RFX3: variants seen among roughly 807,000 people sequenced by gnomAD.
RFX3 encodes the protein transcription factor RFX3.
RFX3 carries 14 observed loss-of-function variants against 98.6 expected under a neutral mutation model. The ratio of observed to expected loss-of-function variants is 0.14; its 90% CI spans 0.09 to 0.22. The LOEUF is 0.22. Among genes scored for constraint, RFX3 ranks in the 10% least tolerant of loss-of-function variants. RFX3 has a pLI of 1.00. For missense variants in RFX3, 639 were observed against 926.9 expected (o/e 0.69, Z 4.03); for synonymous variants, 383 against 328.4 (o/e 1.17, Z -1.80).
At chr9:3,331,242 C>A (rs1426626658) in intron 3 of RFX3, among the ~76,000 whole-genome samples, 1 of 152,184 alleles carries the variant, frequency 6.6e-6, no homozygotes, top group Admixed American at 6.5e-5. Flanking sequence ...CTAAAAGACT[C>A]CTGTCAGTCC....
At chr9:3,366,319 GT>G (rs542893320) in intron 2 of RFX3, among the ~76,000 whole-genome samples, 76 of 152,126 alleles carry the variant, frequency 5.0e-4, no homozygotes, top group African/African-American at 1.7e-3. Flanking sequence ...CTTCTTGTTT[GT>G]TTTTTTGCAC....
chr9:3,249,858 T>A (rs1821153071), intron 14 of RFX3, among the ~76,000 whole-genome samples: 1 of 152,062 alleles, frequency 6.6e-6, no homozygotes, highest in South Asian at 2.1e-4. Context: ...GTTAATAATA[T>A]ATTCATTATC....
chr9:3,349,466 G>C (rs1416071806), intron 2 of RFX3, among the ~76,000 whole-genome samples: 3 of 151,590 alleles, frequency 2.0e-5, no homozygotes, highest in Non-Finnish European at 4.4e-5. Flanking sequence ...ATTTAATTTT[G>C]TTTTATGATT....
chr9:3,355,834 T>C lies in RFX3; in HGVS notation c.118-9070A>G, dbSNP rs549049056. On this transcript the variant is annotated intron_variant, in intron 2 of 16. Transcript: ENST00000617270. ...AAAAGTATTAAAACAATACAGAGCA[T>C]GCTCTCTGACCAAAAACATTAAATT... Among the ~76,000 whole-genome samples, 8 of 151,994 alleles carry C rather than the reference T, an allele frequency of 5.3e-5. No homozygotes were observed. The East Asian group carries it at 1.2e-3, about 22-fold the overall frequency.
intron 2 of RFX3, among the ~76,000 whole-genome samples, chr9:3,373,948 TGC>T (rs1564005782): frequency 6.6e-6 from 1 of 151,854 alleles, no homozygotes; most frequent in East Asian, 1.9e-4. Context: ...AGTGGTGGCA[TGC>T]GCCTGTAGTC....
At chr9:3,420,113 C>T (rs528621337) in intron 1 of RFX3, among the ~76,000 whole-genome samples, 1 of 152,212 alleles carries the variant, frequency 6.6e-6, no homozygotes, top group Admixed American at 6.5e-5. Context: ...TGCCTCCCAG[C>T]CTCCGACCAT....
chr9:3,429,097 A>G (rs370342569), intron 1 of RFX3, among the ~76,000 whole-genome samples: 2 of 146,608 alleles, frequency 1.4e-5, no homozygotes, highest in Non-Finnish European at 3.0e-5. Flanking sequence ...ATCTCGGCTC[A>G]CTGCAAGCTC....
chr9:3,414,368 C>G (rs926179405), intron 1 of RFX3, among the ~76,000 whole-genome samples: 3 of 151,880 alleles, frequency 2.0e-5, no homozygotes, highest in Non-Finnish European at 4.4e-5. Flanking sequence ...CTTGCAAAAT[C>G]AGTGAGAAAT....
intron 1 of RFX3, among the ~76,000 whole-genome samples, chr9:3,501,547 TTTCC>T (rs941558064): frequency 6.6e-6 from 1 of 151,458 alleles, no homozygotes; most frequent in Non-Finnish European, 1.5e-5. Flanking sequence ...TACATATTTT[TTTCC>T]TTCTTTTTTT....
chr9:3,330,322 G>T lies in RFX3; in HGVS notation c.411C>A (p.Ile137=), dbSNP rs376312672. The T allele has an allele frequency of 1.2e-6, 2 of 1,613,982 alleles. No homozygotes were observed. Among genetic ancestry groups the T allele is most frequent in the African/African-American group, 1.3e-5 (1 of 74,914 alleles). Residue 137 remains isoleucine (I), a synonymous_variant, in exon 4 of 17, where the codon ATC becomes ATA. Coordinates refer to ENST00000617270, the MANE Select transcript of RFX3 (RefSeq NM_001282116.2). The stretch of plus-strand genomic sequence containing the variant: ...GACCAGAATTCTCCATTGAGTTGCC[G>T]ATCAGATAGGTTCCTCCAGAGCTGC... ...LISSSGGTYL[I]GNSMENSGHS...
intron 12 of RFX3, 108 bp from the exon 13 acceptor site, chr9:3,263,192 C>T: frequency 5.3e-6 from 6 of 1,138,664 alleles, no homozygotes; most frequent in Non-Finnish European, 7.6e-6. Flanking sequence ...TTGCCTCTGA[C>T]ACTTATTTAA....
At chr9:3,520,153 T>C (rs1210732312) in intron 1 of RFX3, among the ~76,000 whole-genome samples, 2 of 152,156 alleles carry the variant, frequency 1.3e-5, no homozygotes, top group Admixed American at 6.5e-5. Context: ...TGGTAAACTG[T>C]AGGACTATAT....
chr9:3,500,159 A>G (rs1815822276), intron 1 of RFX3, among the ~76,000 whole-genome samples: 1 of 152,188 alleles, frequency 6.6e-6, no homozygotes, highest in African/African-American at 2.4e-5. Flanking sequence ...GGAGAGCTGA[A>G]GTACACTGAG....
At chr9:3,344,647 C>G in intron 3 of RFX3, 1 of 574,510 alleles carries the variant, frequency 1.7e-6, no homozygotes, top group Non-Finnish European at 3.1e-6. Context: ...GACACGAAAG[C>G]TACAAACTCC....
In RFX3 at chr9:3,493,697, AAAAAT is replaced by A. The variant is rs1346555142; in HGVS notation, c.-9+32045_-9+32049del. ...AGACTCATCTCAAAAAAAAAAAAAA[AAAAAT>A]ATATATATATATATATATATATATA... On this transcript the variant is annotated intron_variant, in intron 1 of 16. Transcript: ENST00000617270. Among the ~76,000 whole-genome samples the A allele has an allele frequency of 9.6e-3, 1,177 of 122,488 alleles. 5 individuals are homozygous for A. Among genetic ancestry groups the A allele is most frequent in the East Asian group, 0.06 (225 of 3,754 alleles). 80.4% of individuals were successfully genotyped at this position (122,488 alleles called of 152,430 possible).
At chr9:3,315,617 T>C (rs1327693292) in intron 4 of RFX3, among the ~76,000 whole-genome samples, 1 of 152,068 alleles carries the variant, frequency 6.6e-6, no homozygotes. Flanking sequence ...ACAAAATTGA[T>C]AGACTGCTAG....
At chr9:3,349,297 T>C (rs1834807782) in intron 2 of RFX3, among the ~76,000 whole-genome samples, 1 of 152,084 alleles carries the variant, frequency 6.6e-6, no homozygotes, top group African/African-American at 2.4e-5. Context: ...TTATCAAATA[T>C]TGTTTCCTTC....
chr9:3,507,254 G>T (rs575252472), intron 1 of RFX3, among the ~76,000 whole-genome samples: 4 of 152,026 alleles, frequency 2.6e-5, no homozygotes, highest in African/African-American at 9.6e-5. Context: ...TTTTAGAAGA[G>T]ATTAATTGAA....
chr9:3,424,134 G>A (rs1431368850), intron 1 of RFX3, among the ~76,000 whole-genome samples: 4 of 150,288 alleles, frequency 2.7e-5, no homozygotes, highest in Admixed American at 1.3e-4. Flanking sequence ...GCGACAGAGG[G>A]AGACTCCTTC....
Sources: allele counts gnomAD v4.1 joint callset (sites outside exome capture counted in the v4.1 genomes callset), GRCh38; gene constraint gnomAD v4.1.1; transcripts MANE v1.5; gene names NCBI Gene and HGNC (gene_info 2026-07-23, HGNC 2026-07-21).